The following P2RY8 variants were observed in gnomAD, a reference collection of about 807,000 sequenced individuals.
The protein encoded by P2RY8 is S-geranylgeranyl-glutathione receptor P2RY8.
Under a neutral mutation model 10.0 loss-of-function variants are expected in P2RY8, and 6 were observed. The observed-to-expected ratio is 0.60, with a 90% CI of 0.33 to 1.19. The LOEUF is 1.19. Among genes scored for constraint, P2RY8 ranks in the 50% most tolerant of loss-of-function variants. The pLI, the probability that P2RY8 is intolerant of heterozygous loss-of-function variation, is 0.04. For synonymous variants in P2RY8, 276 were observed against 252.5 expected (o/e 1.09, Z -0.88); for missense variants, 456 against 542.0 (o/e 0.84, Z 1.58).
chrX:1,508,698 CATCCATTCTATCTATCT>C (rs2092257662), intron 1 of P2RY8, among the ~76,000 whole-genome samples: 1 of 90,980 alleles, frequency 1.1e-5, no homozygotes, highest in African/African-American at 4.2e-5. Context: ...TCCATCCATC[CATCCATTCTATCTATCT>C]ATCTATCTAT....
chrX:1,466,122 C>T lies in P2RY8; in HGVS notation c.437G>A (p.Gly146Glu). ...GGCGGTCAGGAGCAGCAGCCAGGTC[C>T]CTGCACACGCGGCCACCGCGTAACG... ...RRRYAVAACA[G>E]TWLLLLTALS... Residue 146 changes from glycine to glutamate, a missense_variant, in exon 2 of 2, where the codon GGG (glycine) becomes GAG (glutamate). Coordinates refer to ENST00000381297, the MANE Select transcript of P2RY8 (RefSeq NM_178129.5). 1 of 1,611,716 alleles carries T rather than the reference C, an allele frequency of 6.2e-7. No individual in the cohort carries two copies. The highest frequency in any genetic ancestry group is 1.1e-5 in the South Asian group (1 of 90,922).
chrX:1,536,470 C>A (rs1348459772), intron 1 of P2RY8, among the ~76,000 whole-genome samples: 4 of 152,040 alleles, frequency 2.6e-5, no homozygotes, highest in African/African-American at 9.7e-5. Flanking sequence ...CCGTGTTAGC[C>A]AGGATGGTCT....
intron 1 of P2RY8, among the ~76,000 whole-genome samples, chrX:1,487,891 A>T (rs1207912174): frequency 6.6e-6 from 1 of 152,116 alleles, no homozygotes; most frequent in Non-Finnish European, 1.5e-5. Flanking sequence ...CGGGTGGATC[A>T]CGAGGTCAGG....
intron 1 of P2RY8, among the ~76,000 whole-genome samples, chrX:1,478,729 C>A (rs1381576116): frequency 3.9e-5 from 6 of 152,086 alleles, no homozygotes; most frequent in African/African-American, 1.4e-4. Context: ...CCACCCACCT[C>A]GGCCTCCCAA....
chrX:1,465,833 G>T lies in P2RY8; in HGVS notation c.726C>A (p.Val242=). 2 of 1,613,070 alleles carry T rather than the reference G, an allele frequency of 1.2e-6. No individual in the cohort carries two copies. The highest frequency in any genetic ancestry group is 1.7e-6 in the Non-Finnish European group (2 of 1,179,746). Reference sequence around the variant, plus strand: ...CGAAGCAGGTGACAAAGGCCAGCAAGACCACCGCGGCCAGGCCCACCGCGC... The same window carrying T: ...CGAAGCAGGTGACAAAGGCCAGCAATACCACCGCGGCCAGGCCCACCGCGC... ...RRRAVGLAAV[V]LLAFVTCFAP... is the part of the protein sequence containing the mutation. Residue 242 remains valine, a synonymous_variant, in exon 2 of 2, where the codon GTC becomes GTA. Transcript: ENST00000381297.
At chrX:1,513,812 T>C (rs1480890204) in intron 1 of P2RY8, among the ~76,000 whole-genome samples, 3 of 151,654 alleles carry the variant, frequency 2.0e-5, no homozygotes, top group East Asian at 1.9e-4. Flanking sequence ...GTCCCTGGGC[T>C]TGTGGCCCCA....
At chrX:1,499,483 G>C (rs1238536067) in intron 1 of P2RY8, among the ~76,000 whole-genome samples, 2 of 151,862 alleles carry the variant, frequency 1.3e-5, no homozygotes, top group Non-Finnish European at 2.9e-5. Context: ...CTTTTCTTAC[G>C]CATGAGGTAA....
At chrX:1,471,308 C>CTT (rs1569536548) in intron 1 of P2RY8, among the ~76,000 whole-genome samples, 1,144 of 71,042 alleles carry the variant, frequency 0.016, 120 homozygotes, top group African/African-American at 0.027. Flanking sequence ...GCGCCCAGCC[C>CTT]ATTTTTTTTT....
chrX:1,467,469 G>T (rs2091703549), intron 1 of P2RY8, among the ~76,000 whole-genome samples: 1 of 152,204 alleles, frequency 6.6e-6, no homozygotes, highest in Admixed American at 6.5e-5. Context: ...GGCCAGCTGG[G>T]CACCTCCAGC....
At chrX:1,489,461 G>A (rs2092020727) in intron 1 of P2RY8, among the ~76,000 whole-genome samples, 1 of 150,890 alleles carries the variant, frequency 6.6e-6, no homozygotes, top group African/African-American at 2.4e-5. Context: ...ATTTACTCCT[G>A]CAACAGTGGA....
chrX:1,487,038 TC>T (rs2149388195), intron 1 of P2RY8, among the ~76,000 whole-genome samples: 1 of 152,270 alleles, frequency 6.6e-6, no homozygotes, highest in South Asian at 2.1e-4. Flanking sequence ...ATCCCTCAGG[TC>T]CCTACCGGGG....
At chrX:1,513,701 T>C (rs1569538294) in intron 1 of P2RY8, among the ~76,000 whole-genome samples, 1 of 151,274 alleles carries the variant, frequency 6.6e-6, no homozygotes, top group Non-Finnish European at 1.5e-5. Flanking sequence ...CAAATGTTTC[T>C]GGTGGCCACT....
At chrX:1,533,398 T>C (rs1473826609) in intron 1 of P2RY8, among the ~76,000 whole-genome samples, 2 of 146,236 alleles carry the variant, frequency 1.4e-5, no homozygotes, top group East Asian at 2.0e-4. Flanking sequence ...TATATTTATG[T>C]ATTTTTTATT....
Position 1,466,102 on chromosome X carries a change from T to C in P2RY8, c.457A>G (p.Thr153Ala), listed in dbSNP as rs1189659009. 1 of 1,611,486 alleles carries C rather than the reference T, an allele frequency of 6.2e-7. No homozygotes were observed. Among genetic ancestry groups the C allele is most frequent in the South Asian group, 1.1e-5 (1 of 90,956 alleles). ...GTGCGCGCCAGCGGGGACAGGGCGG[T>C]CAGGAGCAGCAGCCAGGTCCCTGCA... ...ACAGTWLLLL[T>A]ALSPLARTDL... is the part of the protein sequence containing the mutation. Residue 153 changes from threonine (T) to alanine (A), a missense_variant, in exon 2 of 2, where the codon ACC (threonine) becomes GCC (alanine). Coordinates refer to ENST00000381297, the MANE Select transcript of P2RY8 (RefSeq NM_178129.5).
intron 1 of P2RY8, among the ~76,000 whole-genome samples, chrX:1,471,106 C>T (rs1189706307): frequency 3.3e-5 from 5 of 151,770 alleles, no homozygotes; most frequent in African/African-American, 9.7e-5. Flanking sequence ...TTCCCCGGTT[C>T]AAGCAATTTT....
intron 1 of P2RY8, among the ~76,000 whole-genome samples, chrX:1,528,459 G>A (rs190646052): frequency 2.6e-5 from 4 of 152,346 alleles, no homozygotes; most frequent in Admixed American, 2.0e-4. Context: ...AGTCAGCACC[G>A]TGTGAACTCA....
chrX:1,511,472 G>A (rs2092297284), intron 1 of P2RY8, among the ~76,000 whole-genome samples: 1 of 152,284 alleles, frequency 6.6e-6, no homozygotes, highest in South Asian at 2.1e-4. Flanking sequence ...TTCCCAGCCT[G>A]TTAGGCTATA....
chrX:1,513,509 C>A (rs1378012087), intron 1 of P2RY8, among the ~76,000 whole-genome samples: 1 of 150,268 alleles, frequency 6.7e-6, no homozygotes, highest in Non-Finnish European at 1.5e-5. Flanking sequence ...GCCTCTGTCT[C>A]CACGTGGCCT....
At position 1,465,155 on chromosome X, in the gene P2RY8, A is replaced by T; in HGVS notation, c.*324T>A. ...GGTGACAGCCCAGCTCTACTAAAAA[A>T]AATACAAAAATTAGCCGGGCGTGGT... On this transcript the variant is annotated 3_prime_UTR_variant, in exon 2 of 2. Coordinates refer to ENST00000381297, the MANE Select transcript of P2RY8 (RefSeq NM_178129.5). 2.3e-6 allele frequency: 1 copy of T among 432,144 alleles called. No individual in the cohort carries two copies. The highest frequency in any genetic ancestry group is 4.0e-5 in the Admixed American group (1 of 24,828). The allele number at this position is 432,144 out of a possible 1,614,324, so 26.8% of individuals were successfully genotyped here.
Sources: allele counts gnomAD v4.1 joint callset (sites outside exome capture counted in the v4.1 genomes callset), GRCh38; gene constraint gnomAD v4.1.1; transcripts MANE v1.5; gene names NCBI Gene and HGNC (gene_info 2026-07-23, HGNC 2026-07-21).